SSR4: variants seen among roughly 807,000 people sequenced by gnomAD.
The protein encoded by SSR4 is translocon-associated protein subunit delta.
For missense variants in SSR4, 125 were observed against 148.8 expected (o/e 0.84, Z 0.83); for synonymous variants, 84 against 65.6 (o/e 1.28, Z -1.35).
At chrX:153,798,005 TCCCC>T in intron 4 of SSR4, 62 bp from the exon 5 acceptor site, 1 of 373,828 alleles carries the variant, frequency 2.7e-6, no homozygotes, top group Admixed American at 3.1e-5. Flanking sequence ...GTCTTTCCCC[TCCCC>T]TCCCCACCCC....
upstream of SSR4, chrX:153,794,558 G>C: frequency 5.1e-6 from 6 of 1,173,959 alleles, no homozygotes; most frequent in Non-Finnish European, 6.8e-6. Context: ...TGCTGCCAGA[G>C]ACGTCACAAT....
chrX:153,798,155 C>T lies in SSR4; in HGVS notation c.417+19C>T, dbSNP rs781861387. The T allele has an allele frequency of 8.3e-6, 10 of 1,207,673 alleles. No individual in the cohort carries two copies. The highest frequency in any genetic ancestry group is 3.0e-5 in the East Asian group (1 of 33,832). On this transcript the variant is annotated intron_variant, in intron 5 of 5. Coordinates refer to ENST00000370086, the MANE Select transcript of SSR4 (RefSeq NM_006280.3). ...CCATCGGGTGAGTGGCCTGGTCCCT[C>T]CTCCTTTTTGGGGTTGTTGGGCTGA...
chrX:153,796,696 C>T, intron 2 of SSR4, 144 bp downstream of exon 2: 3 of 503,275 alleles, frequency 6.0e-6, no homozygotes, highest in South Asian at 2.8e-5. Context: ...ATGCCAGATC[C>T]TAGCCAGTGT....
intron 4 of SSR4, 66 bp from the exon 5 acceptor site, chrX:153,798,005 T>TC: frequency 2.7e-6 from 1 of 373,809 alleles, no homozygotes; most frequent in Non-Finnish European, 5.0e-6. Context: ...GTCTTTCCCC[T>TC]CCCCTCCCCA....
At chrX:153,796,017 C>T (rs2092138479) in intron 1 of SSR4, 2 of 211,071 alleles carry the variant, frequency 9.5e-6, no homozygotes, top group South Asian at 1.7e-4. Flanking sequence ...CATTGCCTGC[C>T]TGCAGCCCCC....
upstream of SSR4, chrX:153,794,491 T>G (rs2092126005): frequency 1.8e-5 from 21 of 1,150,824 alleles, no homozygotes. Flanking sequence ...GCTGCCGCCA[T>G]GTTGAGGGGG....
chrX:153,794,499 G>C (rs1314103676), upstream of SSR4: 3 of 1,158,604 alleles, frequency 2.6e-6, no homozygotes, highest in African/African-American at 3.6e-5. Context: ...CATGTTGAGG[G>C]GGGGACCGCG....
At chrX:153,797,091 G>C (rs1335605639) in intron 2 of SSR4, 2 of 224,232 alleles carry the variant, frequency 8.9e-6, no homozygotes, top group African/African-American at 5.7e-5. Context: ...TTTGGGTATG[G>C]CCCTCTTAGG....
chrX:153,794,335 G>T, upstream of SSR4: 1 of 1,193,657 alleles, frequency 8.4e-7, no homozygotes. Flanking sequence ...ATGACGGAAA[G>T]TGAGAGCCTC....
At chrX:153,798,003 C>CAA in intron 4 of SSR4, 68 bp from the exon 5 acceptor site, 3 of 688,155 alleles carry the variant, frequency 4.4e-6, no homozygotes, top group Non-Finnish European at 7.0e-6. Flanking sequence ...CTGTCTTTCC[C>CAA]CTCCCCTCCC....
At chrX:153,798,010 T>G in intron 4 of SSR4, 61 bp from the exon 5 acceptor site, 5 of 313,876 alleles carry the variant, frequency 1.6e-5, no homozygotes, top group Non-Finnish European at 2.3e-5. Flanking sequence ...TCCCCTCCCC[T>G]CCCCACCCCC....
chrX:153,794,767 C>T lies in SSR4; in HGVS notation c.67+13C>T. ...TCCCGCTGCTCAGGTAGCGGCCCAGCCGGGGCTTCTTTCTTGCGAGCCTCT... is the reference window on the plus strand; with the variant it reads ...TCCCGCTGCTCAGGTAGCGGCCCAGTCGGGGCTTCTTTCTTGCGAGCCTCT... On this transcript the variant is annotated intron_variant, in intron 1 of 5. Coordinates refer to ENST00000370086, the MANE Select transcript of SSR4 (RefSeq NM_006280.3). 1 of 1,207,835 alleles carries T rather than the reference C, an allele frequency of 8.3e-7. No homozygotes were observed. Among genetic ancestry groups the T allele is most frequent in the Non-Finnish European group, 1.1e-6 (1 of 893,183 alleles).
upstream of SSR4, chrX:153,794,302 C>T: frequency 6.7e-6 from 8 of 1,198,665 alleles, no homozygotes; most frequent in Non-Finnish European, 9.0e-6. Flanking sequence ...GCGCTGCCGG[C>T]GACGGTCGCT....
chrX:153,797,698 C>T (rs1218274958), intron 3 of SSR4, 27 bp from the exon 4 acceptor site: 1 of 1,197,303 alleles, frequency 8.4e-7, no homozygotes, highest in Non-Finnish European at 1.1e-6. Flanking sequence ...TCCACTCTGC[C>T]CACACTCTGC....
chrX:153,796,721 C>G, intron 2 of SSR4, 169 bp downstream of exon 2: 1 of 461,329 alleles, frequency 2.2e-6, no homozygotes, highest in East Asian at 3.6e-5. Flanking sequence ...AGGTCACCTT[C>G]CTCACCTGCT....
At chrX:153,794,806 T>C in intron 1 of SSR4, 52 bp downstream of exon 1, 7 of 1,178,431 alleles carry the variant, frequency 5.9e-6, no homozygotes, top group Non-Finnish European at 8.0e-6. Context: ...CCACGGCAGG[T>C]GGTGTTGGGG....
At chrX:153,797,103 T>C (rs2092146318) in intron 2 of SSR4, 1 of 246,756 alleles carries the variant, frequency 4.1e-6, no homozygotes, top group African/African-American at 2.8e-5. Context: ...CCTCTTAGGG[T>C]AAAGCACCCC....
chrX:153,797,234 A>G, intron 2 of SSR4: 3 of 427,666 alleles, frequency 7.0e-6, no homozygotes, highest in Non-Finnish European at 1.2e-5. Context: ...GCGTCCAGTT[A>G]GGCCCGGCCA....
At chrX:153,794,920 C>T in intron 1 of SSR4, 166 bp downstream of exon 1, 2 of 570,303 alleles carry the variant, frequency 3.5e-6, no homozygotes, top group Non-Finnish European at 5.4e-6. Context: ...AAGCACCTCG[C>T]GCACGTTTAC....
Sources: gnomAD v4.1 joint callset for allele counts on GRCh38, gnomAD v4.1.1 for gene constraint, MANE v1.5 for transcripts, NCBI Gene and HGNC (gene_info 2026-07-23, HGNC 2026-07-21) for gene names.